The following GNB5 variants were observed in gnomAD, a reference collection of about 807,000 sequenced individuals.
GNB5 encodes guanine nucleotide-binding protein subunit beta-5.
Under a neutral mutation model 55.3 loss-of-function variants are expected in GNB5, and 37 were observed. The ratio of observed to expected loss-of-function variants is 0.67; its 90% CI spans 0.51 to 0.88. The LOEUF is 0.88. Among genes scored for constraint, GNB5 ranks in the 40% least tolerant of loss-of-function variants. The pLI, the probability that GNB5 is intolerant of heterozygous loss-of-function variation, is 0.00. For missense variants in GNB5, 476 were observed against 515.3 expected (o/e 0.92, Z 0.74); for synonymous variants, 219 against 198.5 (o/e 1.10, Z -0.87).
intron 3 of GNB5, among the ~76,000 whole-genome samples, chr15:52,159,702 A>T (rs1178428046): frequency 1.3e-5 from 2 of 152,176 alleles, no homozygotes; most frequent in Admixed American, 6.5e-5. Context: ...TTGGGTACAG[A>T]AAAGAGTAAG....
At chr15:52,161,614 G>T (rs1447524342) in intron 3 of GNB5, among the ~76,000 whole-genome samples, 1 of 152,246 alleles carries the variant, frequency 6.6e-6, no homozygotes, top group African/African-American at 2.4e-5. Flanking sequence ...CCTCTTCGAG[G>T]TAGCCAGATC....
chr15:52,164,276 C>G lies in GNB5; in HGVS notation c.239-10200G>C, dbSNP rs1334007082. On this transcript the variant is annotated intron_variant, in intron 3 of 12. Transcript: ENST00000261837. ...TGAGCCGAGATGGTGCCATTGCACT[C>G]CAGCCTGGGAGACAACAGCAAGACT... Among the ~76,000 whole-genome samples, 5 of 136,536 alleles carry G rather than the reference C, an allele frequency of 3.7e-5. No homozygotes were observed. The East Asian group carries it at 1.1e-3, about 29-fold the overall frequency. 89.6% of individuals were successfully genotyped at this position (136,536 alleles called of 152,430 possible).
At chr15:52,175,328 C>A (rs778804338) in intron 3 of GNB5, among the ~76,000 whole-genome samples, 7 of 152,210 alleles carry the variant, frequency 4.6e-5, no homozygotes, top group Non-Finnish European at 1.0e-4. Context: ...GCCACACATT[C>A]CCAATTCACA....
chr15:52,179,951 A>C lies in GNB5; in HGVS notation c.127-72T>G. On this transcript the variant is annotated intron_variant, in intron 2 of 12. Transcript: ENST00000261837. ...GCTGAGCCGCGGCGGGCGCCGCTCCAGCAGCCGTCCCCGGCCCCGAGCACC... is the reference window on the plus strand; with the variant it reads ...GCTGAGCCGCGGCGGGCGCCGCTCCCGCAGCCGTCCCCGGCCCCGAGCACC... The C allele has an allele frequency of 1.4e-6, 2 of 1,424,200 alleles. 1 individual carries two copies. Among genetic ancestry groups the C allele is most frequent in the South Asian group, 2.7e-5 (2 of 73,684 alleles). 88.2% of individuals were successfully genotyped at this position (1,424,200 alleles called of 1,614,324 possible).
intron 3 of GNB5, among the ~76,000 whole-genome samples, chr15:52,155,702 C>T (rs1172900992): frequency 6.6e-6 from 1 of 152,144 alleles, no homozygotes; most frequent in Middle Eastern, 3.2e-3. Context: ...TGGTTTAATG[C>T]TTCCTTGAGA....
Position 52,124,507 on chromosome 15 carries a change from G to A in GNB5, c.1142C>T (p.Ala381Val). ...STLRVSPDGT[A>V]FCSGSWDHTL... ...ATGATCCCATGATCCAGAGCAGAAA[G>A]CAGTCCCATCGGGGGAAACTCGTAG... The change falls in exon 12 of 13, where the codon GCT (alanine) becomes GTT (valine). Residue 381 changes from alanine to valine, a missense_variant. Transcript: ENST00000261837. 6.2e-7 allele frequency: 1 copy of A among 1,614,002 alleles called. No homozygotes were observed. Among genetic ancestry groups the A allele is most frequent in the Non-Finnish European group, 8.5e-7 (1 of 1,179,842 alleles).
intron 9 of GNB5, among the ~76,000 whole-genome samples, chr15:52,128,951 C>G (rs1011564581): frequency 7.2e-6 from 1 of 138,400 alleles, no homozygotes; most frequent in African/African-American, 2.9e-5. Flanking sequence ...TCCATTGTTT[C>G]TCCTTTTTTT....
At chr15:52,134,256 T>C (rs1470301850) in intron 8 of GNB5, among the ~76,000 whole-genome samples, 1 of 152,220 alleles carries the variant, frequency 6.6e-6, no homozygotes, top group African/African-American at 2.4e-5. Flanking sequence ...AGTAGTAGAA[T>C]GTGGACTCTC....
chr15:52,163,460 T>A (rs116164483), intron 3 of GNB5, among the ~76,000 whole-genome samples: 181 of 152,292 alleles, frequency 1.2e-3, no homozygotes, highest in African/African-American at 4.2e-3. Context: ...GTGGTAGACG[T>A]TGGAGACGGC....
intron 7 of GNB5, 126 bp from the exon 8 acceptor site, chr15:52,135,882 C>T (rs1411239348): frequency 4.1e-6 from 3 of 730,892 alleles, no homozygotes; most frequent in Non-Finnish European, 6.9e-6. Flanking sequence ...CACACACACA[C>T]ACACACACAC....
chr15:52,176,458 C>T (rs1296466378), intron 3 of GNB5, among the ~76,000 whole-genome samples: 3 of 152,202 alleles, frequency 2.0e-5, no homozygotes, highest in Non-Finnish European at 4.4e-5. Context: ...ACAAGTAAAA[C>T]TCATCAGCAT....
Position 52,120,366 on chromosome 15 carries a change from A to G in GNB5, c.*2391T>C, listed in dbSNP as rs2414133. 57,144 of 152,230 alleles carry G rather than the reference A, an allele frequency of 0.38. 11,493 individuals carry two copies. The highest frequency in any genetic ancestry group is 0.52 in the African/African-American group (21,699 of 41,508). The allele number at this position is 152,230 out of a possible 1,614,324, so 9.4% of individuals were successfully genotyped here. A position where few individuals can be genotyped will look rare whatever the true frequency, so the allele number is the denominator to read the frequency against. On this transcript the variant is annotated 3_prime_UTR_variant, in exon 13 of 13. Coordinates refer to ENST00000261837, the MANE Select transcript of GNB5 (RefSeq NM_016194.4). ...TATCTCATCAGCAAATCCCGACAGCACCCACTGCGAGAGCGCATGCTCACA... is the reference window on the plus strand; with the variant it reads ...TATCTCATCAGCAAATCCCGACAGCGCCCACTGCGAGAGCGCATGCTCACA...
At chr15:52,137,387 G>T in intron 7 of GNB5, 1 of 1,033,202 alleles carries the variant, frequency 9.7e-7, no homozygotes, top group Non-Finnish European at 1.2e-6. Context: ...AAGAAGGGAA[G>T]GGGAGAGACA....
At chr15:52,178,100 G>T (rs2034688427) in intron 3 of GNB5, among the ~76,000 whole-genome samples, 1 of 152,192 alleles carries the variant, frequency 6.6e-6, no homozygotes, top group South Asian at 2.1e-4. Context: ...TTGAATAAGT[G>T]AGTTTCTGGA....
At chr15:52,150,777 C>A (rs933684636) in intron 4 of GNB5, among the ~76,000 whole-genome samples, 2 of 152,218 alleles carry the variant, frequency 1.3e-5, no homozygotes, top group African/African-American at 4.8e-5. Context: ...GAGCCCTGGT[C>A]CCTGCAAAGC....
intron 6 of GNB5, among the ~76,000 whole-genome samples, chr15:52,145,254 C>G (rs2141205291): frequency 6.6e-6 from 1 of 151,902 alleles, no homozygotes; most frequent in African/African-American, 2.4e-5. Context: ...ACCTCTTATC[C>G]TTTTAGGAAG....
At chr15:52,159,600 G>C (rs1308227524) in intron 3 of GNB5, among the ~76,000 whole-genome samples, 1 of 152,194 alleles carries the variant, frequency 6.6e-6, no homozygotes, top group Admixed American at 6.5e-5. Context: ...AGTCATGGCT[G>C]GAACTCAAGA....
chr15:52,122,614 G>A lies in GNB5; in HGVS notation c.*143C>T, dbSNP rs911243783. The A allele has an allele frequency of 1.4e-6, 1 of 702,400 alleles. No individual in the cohort carries two copies. The highest frequency in any genetic ancestry group is 1.8e-5 in the African/African-American group (1 of 56,710). 43.5% of individuals were successfully genotyped at this position (702,400 alleles called of 1,614,324 possible). A position where few individuals can be genotyped will look rare whatever the true frequency, so the allele number is the denominator to read the frequency against. The stretch of plus-strand genomic sequence containing the variant: ...AGGTGACAGTTTTAATAGTCATATT[G>A]GAGACGCTTAGTGACCTGTGAGCCA... On this transcript the variant is annotated 3_prime_UTR_variant, in exon 13 of 13. Transcript: ENST00000261837.
At chr15:52,172,418 C>T (rs938890384) in intron 3 of GNB5, among the ~76,000 whole-genome samples, 7 of 151,966 alleles carry the variant, frequency 4.6e-5, no homozygotes, top group Admixed American at 6.6e-5. Flanking sequence ...AGTGAGCCAC[C>T]ATGCCCGGCC....
Sources: gnomAD v4.1 joint callset for allele counts (sites outside exome capture counted in the v4.1 genomes callset) on GRCh38, gnomAD v4.1.1 for gene constraint, MANE v1.5 for transcripts, NCBI Gene and HGNC (gene_info 2026-07-23, HGNC 2026-07-21) for gene names.